The following CASZ1 variants were observed in gnomAD, a reference collection of about 807,000 sequenced individuals.
The protein encoded by CASZ1 is zinc finger protein castor homolog 1.
In CASZ1, 28 loss-of-function variants were observed where a neutral mutation model predicts 135.2. The ratio of observed to expected loss-of-function variants is 0.21; its 90% CI spans 0.15 to 0.28. The LOEUF (loss-of-function observed/expected upper bound fraction) is 0.28. Among genes scored for constraint, CASZ1 ranks in the 10% least tolerant of loss-of-function variants. The pLI, the probability that CASZ1 is intolerant of heterozygous loss-of-function variation, is 1.00. For synonymous variants in CASZ1, 1,068 were observed against 1,073.4 expected (o/e 0.99, Z 0.10); for missense variants, 2,161 against 2,453.3 (o/e 0.88, Z 2.52).
chr1:10,775,809 G>A (rs1023921979), intron 1 of CASZ1, among the ~76,000 whole-genome samples: 15 of 152,132 alleles, frequency 9.9e-5, no homozygotes, highest in African/African-American at 1.9e-4. Flanking sequence ...CTGTGGCCAC[G>A]TGTGTCTCTC....
At chr1:10,723,355 G>A (rs1018592863) in intron 2 of CASZ1, among the ~76,000 whole-genome samples, 3 of 152,188 alleles carry the variant, frequency 2.0e-5, no homozygotes, top group Non-Finnish European at 4.4e-5. Context: ...AGCCTCCTAG[G>A]GGGCTCTGGG....
In CASZ1 at chr1:10,638,905, A is replaced by G; in HGVS notation, c.*37T>C. ...CGGGGCGGCGCCGCTCCCGAGGCCG[A>G]GGCCGAGGCCGCCGCCAGGGCCACC... On this transcript the variant is annotated 3_prime_UTR_variant, in exon 21 of 21. Transcript: ENST00000377022. The surrounding 1 kb of genome is among the most constrained non-coding windows in gnomAD (Gnocchi z 5.9). 1 of 947,006 alleles carries G rather than the reference A, an allele frequency of 1.1e-6. No individual in the cohort carries two copies. The highest frequency in any genetic ancestry group is 1.3e-6 in the Non-Finnish European group (1 of 798,954). 58.7% of individuals were successfully genotyped at this position (947,006 alleles called of 1,614,324 possible).
In CASZ1 at chr1:10,658,599, C is replaced by T. The variant is rs565600737; in HGVS notation, c.1341-23G>A. On this transcript the variant is annotated intron_variant, in intron 6 of 20. Coordinates refer to ENST00000377022, the MANE Select transcript of CASZ1 (RefSeq NM_001079843.3). ...TTCCTGGCAAGAGACACACAGGGCA[C>T]AGCCGGTGAGCAGATGGGGCAGCCT... The T allele has an allele frequency of 3.7e-6, 6 of 1,611,098 alleles. No individual in the cohort carries two copies. The African/African-American group carries it at 5.3e-5, about 14-fold the overall frequency.
chr1:10,777,408 C>T lies in CASZ1; in HGVS notation c.-233-16551G>A, dbSNP rs1440842684. ...TCTCTTATTGGTCAAACCACCGCAT[C>T]ATTCCCACAAAATCCTCTGAGCTCA... is the stretch of plus-strand genomic sequence containing the variant. On this transcript the variant is annotated intron_variant, in intron 1 of 20. Transcript: ENST00000377022. This position sits in a 1 kb window ranked among gnomAD's most constrained non-coding sequence, Gnocchi z 4.4. Among the ~76,000 whole-genome samples, 1 of 152,170 alleles carries T rather than the reference C, an allele frequency of 6.6e-6. No homozygotes were observed. Among genetic ancestry groups the T allele is most frequent in the Non-Finnish European group, 1.5e-5 (1 of 68,036 alleles).
At chr1:10,733,176 C>T (rs147906927) in intron 2 of CASZ1, among the ~76,000 whole-genome samples, 8 of 152,312 alleles carry the variant, frequency 5.3e-5, no homozygotes, top group African/African-American at 1.4e-4. Flanking sequence ...CCAGGGTCGC[C>T]TCCAGCACGG....
intron 1 of CASZ1, among the ~76,000 whole-genome samples, chr1:10,770,833 T>A (rs1357870317): frequency 1.3e-5 from 2 of 152,186 alleles, no homozygotes; most frequent in African/African-American, 4.8e-5. Flanking sequence ...AACCCATGCC[T>A]CTTTTACCTC....
At position 10,647,837 on chromosome 1, in the gene CASZ1, G is replaced by T; in HGVS notation, c.3461C>A (p.Pro1154His). 1 of 1,613,942 alleles carries T rather than the reference G, an allele frequency of 6.2e-7. No individual in the cohort carries two copies. The highest frequency in any genetic ancestry group is 1.1e-5 in the South Asian group (1 of 91,080). ...LATTSLENAK[P>H]QVKPGFLQFQ... ...CTGGAGGAATCCGGGTTTGACCTGG[G>T]GCTTGGCGTTCTCTAGAGAAGTCGT... Residue 1154 changes from proline to histidine, a missense_variant, in exon 16 of 21, where the codon CCC becomes CAC. Physicochemically the swap from Pro to His is moderately conservative, Grantham distance 77 (BLOSUM62 -2). Around this residue, in one of 7 missense-constraint regions of CASZ1, gnomAD observed 349 missense variants for 460.8 expected, o/e 0.76. Coordinates refer to ENST00000377022, the MANE Select transcript of CASZ1 (RefSeq NM_001079843.3). The surrounding 1 kb of genome is among the most constrained non-coding windows in gnomAD (Gnocchi z 4.9).
At position 10,721,458 on chromosome 1, in the gene CASZ1, C is replaced by T. The variant is rs1352861333; in HGVS notation, c.-76-15914G>A. ...GAGAAAACAAAAAAGGCCTGTTAAC[C>T]AAAACACTAATTGCTGTGACTGATT... is the stretch of plus-strand genomic sequence containing the variant. On this transcript the variant is annotated intron_variant, in intron 2 of 20. Transcript: ENST00000377022. The surrounding 1 kb of genome is among the most constrained non-coding windows in gnomAD (Gnocchi z 5.4). 6.6e-6 allele frequency among the ~76,000 whole-genome samples: 1 copy of T among 152,128 alleles called. No homozygotes were observed. Among genetic ancestry groups the T allele is most frequent in the African/African-American group, 2.4e-5 (1 of 41,408 alleles).
chr1:10,659,968 G>A lies in CASZ1; in HGVS notation c.1074C>T (p.Asp358=). 1 of 1,613,390 alleles carries A rather than the reference G, an allele frequency of 6.2e-7. No homozygotes were observed. Among genetic ancestry groups the A allele is most frequent in the Non-Finnish European group, 8.5e-7 (1 of 1,179,990 alleles). The part of the protein sequence containing the change: ...HLFKPGEGSP[D]MGGAIAFKTG... ...TCTTGAAGGCGATGGCCCCGCCCAT[G>A]TCGGGGCTGCCCTCCCCGGGTTTGA... The change falls in exon 6 of 21, where the codon GAC becomes GAT. Residue 358 remains aspartate, a synonymous_variant. Transcript: ENST00000377022.
chr1:10,754,177 A>G (rs1189411529), intron 2 of CASZ1, among the ~76,000 whole-genome samples: 2 of 152,178 alleles, frequency 1.3e-5, no homozygotes, highest in African/African-American at 2.4e-5. Flanking sequence ...CCACATCTAA[A>G]ATGACAAACC....
chr1:10,693,826 G>A (rs1262208124), intron 4 of CASZ1, 48 bp downstream of exon 4: 1 of 1,471,328 alleles, frequency 6.8e-7, no homozygotes. Context: ...CGTAAAAGAA[G>A]CGAAAGAAAA....
intron 2 of CASZ1, among the ~76,000 whole-genome samples, chr1:10,746,927 C>T (rs59309307): frequency 0.071 from 10,817 of 152,306 alleles, 1,367 homozygotes; most frequent in East Asian, 0.61. Context: ...TTTCCAGGCT[C>T]CCACTCCCTG....
At chr1:10,670,691 G>A (rs1643371070) in intron 4 of CASZ1, among the ~76,000 whole-genome samples, 1 of 152,244 alleles carries the variant, frequency 6.6e-6, no homozygotes, top group Non-Finnish European at 1.5e-5. Context: ...TCTCTGTAGT[G>A]GGCATCAGAG....
rs1268478170 is a variant in CASZ1 at position 10,699,589 on chromosome 1, G to T, written c.-23-5677C>A. Among the ~76,000 whole-genome samples the T allele has an allele frequency of 6.6e-6, 1 of 152,206 alleles. No individual in the cohort carries two copies. The highest frequency in any genetic ancestry group is 2.4e-5 in the African/African-American group (1 of 41,442). Reference sequence around the variant, plus strand: ...GGGAGCAGGTTTAATTTGCCAGGCAGCCAGGAGTGCCAGCAGGGGAGGCAC... The same window carrying T: ...GGGAGCAGGTTTAATTTGCCAGGCATCCAGGAGTGCCAGCAGGGGAGGCAC... On this transcript the variant is annotated intron_variant, in intron 3 of 20. Transcript: ENST00000377022. The surrounding 1 kb of genome is among the most constrained non-coding windows in gnomAD (Gnocchi z 4.6).
At chr1:10,674,455 C>A (rs2100333181) in intron 4 of CASZ1, among the ~76,000 whole-genome samples, 1 of 152,392 alleles carries the variant, frequency 6.6e-6, no homozygotes, top group Non-Finnish European at 1.5e-5. Flanking sequence ...CCTCTGAGGC[C>A]ACCGTGGGGC....
chr1:10,766,034 C>A (rs771695766), intron 1 of CASZ1, among the ~76,000 whole-genome samples: 1 of 152,204 alleles, frequency 6.6e-6, no homozygotes, highest in Non-Finnish European at 1.5e-5. Context: ...CTTTTCACAG[C>A]AGCCTAGGTG....
chr1:10,714,983 C>T (rs905533631), intron 2 of CASZ1, among the ~76,000 whole-genome samples: 4 of 152,220 alleles, frequency 2.6e-5, no homozygotes, highest in East Asian at 3.8e-4. Context: ...CACCTGCCGC[C>T]GCTCAGCCGC....
At chr1:10,682,063 G>A (rs61776326) in intron 4 of CASZ1, among the ~76,000 whole-genome samples, 12,590 of 152,268 alleles carry the variant, frequency 0.083, 738 homozygotes, top group Middle Eastern at 0.17. Context: ...GTCCCAAAAG[G>A]AGAAAAGGGG....
chr1:10,694,018 G>T lies in CASZ1; in HGVS notation c.-23-106C>A, dbSNP rs1638853928. The T allele has an allele frequency of 9.2e-7, 1 of 1,084,002 alleles. No homozygotes were observed. The highest frequency in any genetic ancestry group is 1.3e-6 in the Non-Finnish European group (1 of 761,534). The allele number at this position is 1,084,002 out of a possible 1,614,324, so 67.1% of individuals were successfully genotyped here. On this transcript the variant is annotated intron_variant, in intron 3 of 20. Coordinates refer to ENST00000377022, the MANE Select transcript of CASZ1 (RefSeq NM_001079843.3). This position sits in a 1 kb window ranked among gnomAD's most constrained non-coding sequence, Gnocchi z 6.6. ...TGCTTGTCCCCCGCCCCGCAGGAGCGGCCCGTCCCGGGCGGGCGCCGAGGC... is the reference window on the plus strand; with the variant it reads ...TGCTTGTCCCCCGCCCCGCAGGAGCTGCCCGTCCCGGGCGGGCGCCGAGGC...
Sources: gnomAD v4.1 joint callset for allele counts (sites outside exome capture counted in the v4.1 genomes callset) on GRCh38, gnomAD v4.1.1 for gene constraint, gnomAD v4.1.1 regional missense constraint, Gnocchi (gnomAD v3.1) non-coding constraint, MANE v1.5 for transcripts, NCBI Gene and HGNC (gene_info 2026-07-23, HGNC 2026-07-21) for gene names.